Variants in WNT7B observed in about 807,000 individuals in gnomAD.
WNT7B encodes protein Wnt-7b.
WNT7B carries 19 observed loss-of-function variants against 38.2 expected under a neutral mutation model. The ratio of observed to expected loss-of-function variants is 0.50; its 90% CI spans 0.35 to 0.73. WNT7B has a LOEUF of 0.73. WNT7B is among the 30% of genes least tolerant of loss of function. WNT7B has a pLI of 0.01. For missense variants in WNT7B, 423 were observed against 507.9 expected (o/e 0.83, Z 1.61); for synonymous variants, 243 against 209.3 (o/e 1.16, Z -1.39).
chr22:45,931,284 C>T lies in WNT7B; in HGVS notation c.384G>A (p.Leu128=), dbSNP rs762780927. The change falls in exon 3 of 4, where the codon CTG becomes CTA. Residue 128 remains leucine (L), a synonymous_variant. Transcript: ENST00000339464. The part of the protein sequence containing the change: ...AVTAACSQGN[L]SNCGCDREKQ... ...TCTCGCGGTCGCAGCCGCAGTTGCT[C>T]AGGTTCCCTTGGCTGCAGGCAGCGG... 1.8e-5 allele frequency: 29 copies of T among 1,598,388 alleles called. No homozygotes were observed. Among genetic ancestry groups the T allele is most frequent in the Non-Finnish European group, 2.3e-5 (27 of 1,179,650 alleles).
At chr22:45,956,697 C>G (rs1181815504) in intron 1 of WNT7B, among the ~76,000 whole-genome samples, 1 of 152,258 alleles carries the variant, frequency 6.6e-6, no homozygotes, top group Non-Finnish European at 1.5e-5. Flanking sequence ...GTGGTCCATT[C>G]ATGCAGCGTG....
rs1377175218 is a variant in WNT7B at position 45,923,040 on chromosome 22, G to A, written c.866C>T (p.Thr289Met). 1.2e-6 allele frequency: 2 copies of A among 1,612,680 alleles called. No individual in the cohort carries two copies. The highest frequency in any genetic ancestry group is 1.7e-6 in the Non-Finnish European group (2 of 1,179,550). Residue 289 changes from threonine (T) to methionine (M), a missense_variant, in exon 4 of 4, where the codon ACG (threonine) becomes ATG (methionine). Transcript: ENST00000339464. The part of the protein sequence containing the change: ...EEDAATGSVG[T>M]QGRLCNRTSP... ...CGTGCGGTTGCAGAGACGGCCCTGC[G>A]TGCCCACGCTGCCCGTGGCCGCGTC...
intron 3 of WNT7B, chr22:45,926,562 C>T (rs909475490): frequency 1.3e-5 from 13 of 985,388 alleles, no homozygotes; most frequent in Non-Finnish European, 1.6e-5. Flanking sequence ...AGCCCAGGAG[C>T]CTGGCGTCCG....
intron 2 of WNT7B, among the ~76,000 whole-genome samples, chr22:45,945,650 C>T (rs1483893363): frequency 6.6e-6 from 1 of 152,244 alleles, no homozygotes; most frequent in African/African-American, 2.4e-5. Context: ...CTGGGGGTCA[C>T]TGGGCCTGGC....
At chr22:45,967,081 C>T (rs1157127374) in intron 1 of WNT7B, among the ~76,000 whole-genome samples, 1 of 152,176 alleles carries the variant, frequency 6.6e-6, no homozygotes, top group East Asian at 1.9e-4. Context: ...AGTGGGAAGA[C>T]AAGGAAGGGG....
At chr22:45,939,667 AC>A (rs1931598337) in intron 2 of WNT7B, among the ~76,000 whole-genome samples, 3 of 151,786 alleles carry the variant, frequency 2.0e-5, no homozygotes. Context: ...ACACACACAC[AC>A]ACAAAAATAG....
chr22:45,928,934 C>T (rs972449531), intron 3 of WNT7B, among the ~76,000 whole-genome samples: 12 of 152,180 alleles, frequency 7.9e-5, no homozygotes, highest in African/African-American at 2.4e-4. Flanking sequence ...GTGCTCTTGC[C>T]CGCATCTCTG....
At chr22:45,942,422 C>T (rs1601725910) in intron 2 of WNT7B, among the ~76,000 whole-genome samples, 1 of 152,350 alleles carries the variant, frequency 6.6e-6, no homozygotes, top group South Asian at 2.1e-4. Context: ...GCATCCCTGA[C>T]ACACACAGAG....
intron 1 of WNT7B, among the ~76,000 whole-genome samples, chr22:45,971,974 T>A (rs982696115): frequency 2.0e-5 from 3 of 152,156 alleles, no homozygotes; most frequent in Non-Finnish European, 2.9e-5. Context: ...GCCCGCCAAG[T>A]GCTCCACCTC....
At chr22:45,972,116 G>GGGGGGGGGGGCCCCCCCC in intron 1 of WNT7B, 6 of 530,740 alleles carry the variant, frequency 1.1e-5, no homozygotes, top group African/African-American at 4.1e-5. Context: ...CCCGGGGGGA[G>GGGGGGGGGGGCCCCCCCC]CCCACCCGCC....
rs1932293615 is a variant in WNT7B at position 45,965,547 on chromosome 22, G to C, written c.71+11137C>G. Reference sequence around the variant, plus strand: ...GATGGGGAAACTGAGGCCCAGAGAAGGGGAGGGATACCCTCAAGGTTGCCG... The same window carrying C: ...GATGGGGAAACTGAGGCCCAGAGAACGGGAGGGATACCCTCAAGGTTGCCG... On this transcript the variant is annotated intron_variant, in intron 1 of 3. Coordinates refer to ENST00000339464, the MANE Select transcript of WNT7B (RefSeq NM_058238.3). This position sits in a 1 kb window ranked among gnomAD's most constrained non-coding sequence, Gnocchi z 6.5. Among the ~76,000 whole-genome samples the C allele has an allele frequency of 6.6e-6, 1 of 152,176 alleles. No individual in the cohort carries two copies. Among genetic ancestry groups the C allele is most frequent in the Non-Finnish European group, 1.5e-5 (1 of 68,022 alleles).
At chr22:45,958,783 G>C (rs975418902) in intron 1 of WNT7B, among the ~76,000 whole-genome samples, 1 of 152,166 alleles carries the variant, frequency 6.6e-6, no homozygotes, top group Non-Finnish European at 1.5e-5. Flanking sequence ...CGAAGACAGC[G>C]GGGGCAGGAT....
Position 45,922,975 on chromosome 22 carries a change from G to C in WNT7B, c.931C>G (p.Arg311Gly), listed in dbSNP as rs755775500. The C allele has an allele frequency of 6.2e-7, 1 of 1,613,314 alleles. No individual in the cohort carries two copies. The highest frequency in any genetic ancestry group is 8.5e-7 in the Non-Finnish European group (1 of 1,179,860). ...GTGTACTGGTGGGTGTTGTAGCCTC[G>C]GCCGCAGCACATGGTGTCACAGCCG... Reference protein sequence around the residue: ...ADGCDTMCCGRGYNTHQYTKV... With the variant: ...ADGCDTMCCGGGYNTHQYTKV... The change falls in exon 4 of 4, where the codon CGA (arginine) becomes GGA (glycine). Residue 311 changes from arginine to glycine, a missense_variant. Around this residue, in one of 3 missense-constraint regions of WNT7B, gnomAD observed 158 missense variants for 214.7 expected, o/e 0.74. Transcript: ENST00000339464.
chr22:45,948,942 G>A (rs989898918), intron 2 of WNT7B, among the ~76,000 whole-genome samples: 2 of 145,348 alleles, frequency 1.4e-5, no homozygotes, highest in African/African-American at 5.0e-5. Context: ...TCCGCCTCCC[G>A]GATTCAAGCA....
chr22:45,966,504 G>A lies in WNT7B; in HGVS notation c.71+10180C>T, dbSNP rs951428665. Among the ~76,000 whole-genome samples the A allele has an allele frequency of 2.0e-5, 3 of 152,188 alleles. No homozygotes were observed. The highest frequency in any genetic ancestry group is 7.2e-5 in the African/African-American group (3 of 41,432). On this transcript the variant is annotated intron_variant, in intron 1 of 3. Coordinates refer to ENST00000339464, the MANE Select transcript of WNT7B (RefSeq NM_058238.3). The surrounding 1 kb of genome is among the most constrained non-coding windows in gnomAD (Gnocchi z 4.2). ...TCCAGAAAGCGATAGAGGCCTGCAG[G>A]GGTCATGGGATAGGACTCCAGGGGA...
In WNT7B at chr22:45,944,155, C is replaced by A. The variant is rs570227037; in HGVS notation, c.298+5765G>T. ...TAGGGCCTGTGTCCTTGGCCATAGC[C>A]TCTCTGCAGCCAGACTCCATCCCCA... is the stretch of plus-strand genomic sequence containing the variant. On this transcript the variant is annotated intron_variant, in intron 2 of 3. Coordinates refer to ENST00000339464, the MANE Select transcript of WNT7B (RefSeq NM_058238.3). Among the ~76,000 whole-genome samples, 4 of 152,350 alleles carry A rather than the reference C, an allele frequency of 2.6e-5. No individual in the cohort carries two copies. The South Asian group carries it at 8.3e-4, about 32-fold the overall frequency.
chr22:45,963,681 G>A (rs571835039), intron 1 of WNT7B, among the ~76,000 whole-genome samples: 69 of 152,068 alleles, frequency 4.5e-4, no homozygotes, highest in African/African-American at 1.4e-3. Flanking sequence ...CCACCCTCCC[G>A]TCTTCCCTGC....
rs1932292957 is a variant in WNT7B, at chr22:45,965,511, C to T, written c.71+11173G>A. ...AAGAGGACCTGGGGGAGCATCCAGA[C>T]CCACCACCCAGATGGGGAAACTGAG... On this transcript the variant is annotated intron_variant, in intron 1 of 3. Coordinates refer to ENST00000339464, the MANE Select transcript of WNT7B (RefSeq NM_058238.3). The surrounding 1 kb of genome is among the most constrained non-coding windows in gnomAD (Gnocchi z 6.5). 1.3e-5 allele frequency among the ~76,000 whole-genome samples: 2 copies of T among 152,144 alleles called. No homozygotes were observed. The highest frequency in any genetic ancestry group is 1.3e-4 in the Admixed American group (2 of 15,276).
In WNT7B at chr22:45,926,951, C is replaced by T. The variant is rs145954244; in HGVS notation, c.571-3616G>A. 100 of 985,458 alleles carry T rather than the reference C, an allele frequency of 1.0e-4. No individual in the cohort carries two copies. In the East Asian group the frequency reaches 3.1e-3, roughly 30 times the overall value. 61.0% of individuals were successfully genotyped at this position (985,458 alleles called of 1,614,324 possible). On this transcript the variant is annotated intron_variant, in intron 3 of 3. Coordinates refer to ENST00000339464, the MANE Select transcript of WNT7B (RefSeq NM_058238.3). The stretch of plus-strand genomic sequence containing the variant: ...CAGTCAGGGAAGGGCTGTGCCAAGA[C>T]GTGGGACATGGCCAGCTAAGGGGGT...
Sources: allele counts gnomAD v4.1 joint callset (sites outside exome capture counted in the v4.1 genomes callset), GRCh38; gene constraint gnomAD v4.1.1; regional missense constraint gnomAD v4.1.1; non-coding constraint Gnocchi (gnomAD v3.1); transcripts MANE v1.5; gene names NCBI Gene and HGNC (gene_info 2026-07-23, HGNC 2026-07-21).